ABCA1: variants seen among roughly 807,000 people sequenced by gnomAD.
The protein encoded by ABCA1 is phospholipid-transporting ATPase ABCA1.
ABCA1 carries 133 observed loss-of-function variants against 262.5 expected under a neutral mutation model. The ratio of observed to expected loss-of-function variants is 0.51; its 90% CI spans 0.44 to 0.59. The LOEUF (loss-of-function observed/expected upper bound fraction) is 0.59, where lower values mean the gene tolerates loss of function less well. Ranked by LOEUF, ABCA1 falls within the 20% of genes least tolerant of loss-of-function variation. The probability of loss-of-function intolerance (pLI) is 0.00; values close to 1 mark genes in which losing one functional copy is unlikely to be tolerated. For synonymous variants in ABCA1, 1,022 were observed against 1,043.5 expected (o/e 0.98, Z 0.40); for missense variants, 2,452 against 2,777.5 (o/e 0.88, Z 2.63).
chr9:104,850,504 TAAAAG>T (rs72335996), intron 7 of ABCA1, among the ~76,000 whole-genome samples: 13,426 of 152,178 alleles, frequency 0.088, 656 homozygotes, highest in Middle Eastern at 0.13. Context: ...AATGAAAAGA[TAAAAG>T]AGGAAGGACA....
chr9:104,782,956 G>A lies in ABCA1; in HGVS notation c.*1359C>T, dbSNP rs1229225815. On this transcript the variant is annotated 3_prime_UTR_variant, in exon 50 of 50. Transcript: ENST00000374736. ...AGCTGAATAACATGGCACAGGAAGT[G>A]TACTGAGACTTAATATCTCTCTAGT... The A allele has an allele frequency of 1.3e-5, 2 of 152,328 alleles. No homozygotes were observed. The highest frequency in any genetic ancestry group is 3.9e-4 in the East Asian group (2 of 5,178). The allele number at this position is 152,328 out of a possible 1,614,324, so 9.4% of individuals were successfully genotyped here.
chr9:104,870,940 G>T (rs889871753), intron 5 of ABCA1, among the ~76,000 whole-genome samples: 5 of 152,022 alleles, frequency 3.3e-5, no homozygotes, highest in African/African-American at 9.7e-5. Context: ...CAGTTAAGGT[G>T]GGGCAGGAAC....
chr9:104,926,629 A>C (rs1185291273), intron 1 of ABCA1, among the ~76,000 whole-genome samples: 2 of 150,410 alleles, frequency 1.3e-5, no homozygotes, highest in African/African-American at 2.4e-5. Context: ...GCTGCGGGCC[A>C]GTCTCCGGGG....
chr9:104,876,358 C>A (rs1838166508), intron 5 of ABCA1, among the ~76,000 whole-genome samples: 1 of 152,122 alleles, frequency 6.6e-6, no homozygotes, highest in Non-Finnish European at 1.5e-5. Context: ...CCCGGGAAGG[C>A]AAGAGGCTTC....
chr9:104,792,588 T>G (rs967791785), intron 42 of ABCA1, among the ~76,000 whole-genome samples, 198 bp downstream of exon 42: 1 of 152,238 alleles, frequency 6.6e-6, no homozygotes, highest in Non-Finnish European at 1.5e-5. Flanking sequence ...TGGGAATTCA[T>G]ATCACAAAAG....
intron 8 of ABCA1, among the ~76,000 whole-genome samples, chr9:104,842,344 C>G (rs745816881): frequency 6.6e-5 from 10 of 152,164 alleles, no homozygotes; most frequent in Non-Finnish European, 1.3e-4. Context: ...CTTATTGGAA[C>G]AGCCCTAGAG....
Position 104,831,678 on chromosome 9 carries a change from C to G in ABCA1, c.1659G>C (p.Lys553Asn). 6.2e-7 allele frequency: 1 copy of G among 1,614,186 alleles called. No individual in the cohort carries two copies. Among genetic ancestry groups the G allele is most frequent in the Middle Eastern group, 1.6e-4 (1 of 6,062 alleles). ...PGSIELPHHV[K>N]YKIRMDIDNV... The stretch of plus-strand genomic sequence containing the variant: ...TGTCAATGTCCATTCGGATCTTGTA[C>G]TTGACATGATGGGGCAGCTCAATGC... Residue 553 changes from lysine to asparagine, a missense_variant, in exon 13 of 50, where the codon AAG becomes AAC. By Grantham distance (94) the Lys-to-Asn change is moderately conservative. Transcript: ENST00000374736.
At chr9:104,826,428 AG>A (rs1453384167) in intron 16 of ABCA1, among the ~76,000 whole-genome samples, 1 of 152,200 alleles carries the variant, frequency 6.6e-6, no homozygotes, top group African/African-American at 2.4e-5. Context: ...GTACGAGGGA[AG>A]GAAGTGTCCA....
At chr9:104,788,900 G>A (rs182092474) in intron 44 of ABCA1, among the ~76,000 whole-genome samples, 49 of 152,236 alleles carry the variant, frequency 3.2e-4, no homozygotes, top group African/African-American at 4.6e-4. Flanking sequence ...GGGCTTTAAC[G>A]CTAAGGCCCC....
At chr9:104,797,490 G>A (rs1385695025) in intron 37 of ABCA1, among the ~76,000 whole-genome samples, 3 of 152,138 alleles carry the variant, frequency 2.0e-5, no homozygotes, top group African/African-American at 7.2e-5. Context: ...AGAAGTGTGA[G>A]CTAAAGATCA....
At chr9:104,924,055 T>C (rs147633707) in intron 1 of ABCA1, among the ~76,000 whole-genome samples, 5 of 152,140 alleles carry the variant, frequency 3.3e-5, no homozygotes, top group Admixed American at 6.5e-5. Flanking sequence ...ATAAATACAA[T>C]GAATAAACAC....
rs767816844 is a variant in ABCA1 at position 104,803,330 on chromosome 9, G to A, written c.4560-14C>T. On this transcript the variant is annotated splice_polypyrimidine_tract_variant and intron_variant, in intron 32 of 49. Coordinates refer to ENST00000374736, the MANE Select transcript of ABCA1 (RefSeq NM_005502.4). ...TTGTTCTTTAAGCTGCAGAGACAAA[G>A]AAACAAAAAATCAGTTCAAAGAAAG... The A allele has an allele frequency of 7.4e-6, 12 of 1,613,912 alleles. No individual in the cohort carries two copies. Among genetic ancestry groups the A allele is most frequent in the Non-Finnish European group, 1.0e-5 (12 of 1,179,854 alleles).
Position 104,928,113 on chromosome 9 carries a change from G to C in ABCA1, c.-271C>G, listed in dbSNP as rs1210707619. The C allele has an allele frequency of 6.6e-6, 1 of 152,252 alleles. No individual in the cohort carries two copies. The highest frequency in any genetic ancestry group is 6.5e-5 in the Admixed American group (1 of 15,276). 9.4% of individuals were successfully genotyped at this position (152,252 alleles called of 1,614,324 possible). On this transcript the variant is annotated 5_prime_UTR_variant, in exon 1 of 50. Coordinates refer to ENST00000374736, the MANE Select transcript of ABCA1 (RefSeq NM_005502.4). ...CAGCCCGGGAGAGAAGGGTCGGCTC[G>C]GCTCTGCGGGTCCCGGCCCCACTCA...
chr9:104,798,043 A>G (rs568610375), intron 37 of ABCA1, among the ~76,000 whole-genome samples: 61 of 152,352 alleles, frequency 4.0e-4, no homozygotes, highest in African/African-American at 1.4e-3. Flanking sequence ...CAAATGACAG[A>G]TGGCTTTCCT....
At chr9:104,858,487 T>A (rs374523634) in intron 7 of ABCA1, 35 bp downstream of exon 7, 1 of 1,607,126 alleles carries the variant, frequency 6.2e-7, no homozygotes, top group African/African-American at 1.3e-5. Context: ...AAAGCATTAG[T>A]GCTTGAAGTT....
In ABCA1 at chr9:104,821,473, C is replaced by T. The variant is rs756654487; in HGVS notation, c.2862G>A (p.Ser954=). Residue 954 remains serine (S), a synonymous_variant, in exon 20 of 50, where the codon TCG becomes TCA. Coordinates refer to ENST00000374736, the MANE Select transcript of ABCA1 (RefSeq NM_005502.4). ...CTTTTCCCAGGATGTAGGCGGTGCC[C>T]GAGGTCGGGGGGAACAACCCGGTCA... ...SILTGLFPPT[S]GTAYILGKDI... is the part of the protein sequence containing the mutation. 33 of 1,613,900 alleles carry T rather than the reference C, an allele frequency of 2.0e-5. No homozygotes were observed. The Admixed American group carries it at 4.7e-4, about 23-fold the overall frequency.
At chr9:104,837,157 G>A (rs1833893566) in intron 10 of ABCA1, 61 bp from the exon 11 acceptor site, 8 of 1,388,644 alleles carry the variant, frequency 5.8e-6, no homozygotes, top group Admixed American at 1.7e-5. Flanking sequence ...GACAATGAGC[G>A]TTTGGCTCCT....
intron 6 of ABCA1, among the ~76,000 whole-genome samples, chr9:104,860,730 T>C (rs374060562): frequency 7.9e-5 from 12 of 151,708 alleles, no homozygotes; most frequent in African/African-American, 2.9e-4. Context: ...TAAACACTAA[T>C]ATTATTTCCT....
intron 28 of ABCA1, among the ~76,000 whole-genome samples, chr9:104,811,453 G>A (rs1002557798): frequency 6.6e-6 from 1 of 152,096 alleles, no homozygotes; most frequent in East Asian, 1.9e-4. Flanking sequence ...CTACAGCAAC[G>A]GCTCCAATCA....
Sources: gnomAD v4.1 joint callset for allele counts (sites outside exome capture counted in the v4.1 genomes callset) on GRCh38, gnomAD v4.1.1 for gene constraint, MANE v1.5 for transcripts, NCBI Gene and HGNC (gene_info 2026-07-23, HGNC 2026-07-21) for gene names.